DNAH7: variants seen among roughly 807,000 people sequenced by gnomAD.
DNAH7 encodes the protein dynein axonemal heavy chain 7.
Under a neutral mutation model 444.6 loss-of-function variants are expected in DNAH7, and 397 were observed. That is an observed-to-expected ratio of 0.89 (90% CI 0.82 to 0.97). The LOEUF is 0.97. Among genes scored for constraint, DNAH7 ranks in the 50% least tolerant of loss-of-function variants. The pLI is 0.00. For missense variants in DNAH7, 4,902 were observed against 4,800.8 expected, an observed-to-expected ratio of 1.02 and a Z score of -0.62; for synonymous variants, 1,636 against 1,624.4, an observed-to-expected ratio of 1.01 and a Z score of -0.17.
At chr2:195,778,705 CACATATATATACACATATATATAT>C (rs1695221000) in intron 58 of DNAH7, among the ~76,000 whole-genome samples, 3 of 68,336 alleles carry the variant, frequency 4.4e-5, no homozygotes, top group East Asian at 9.6e-4. Context: ...TATATATATA[CACATATATATACACATATATATAT>C]ACACATATAT....
At chr2:195,760,566 C>T (rs1197318118) in intron 61 of DNAH7, among the ~76,000 whole-genome samples, 5 of 152,068 alleles carry the variant, frequency 3.3e-5, no homozygotes, top group Admixed American at 2.0e-4. Flanking sequence ...CTTCAAGCAG[C>T]TCAGCAGAGA....
chr2:196,003,212 G>C (rs1574995319), intron 10 of DNAH7, among the ~76,000 whole-genome samples: 1 of 147,768 alleles, frequency 6.8e-6, no homozygotes, highest in Non-Finnish European at 1.5e-5. Flanking sequence ...CTGAGAGAAA[G>C]ATTCAAAGTG....
At chr2:195,855,494 T>G (rs978306896) in intron 45 of DNAH7, among the ~76,000 whole-genome samples, 1 of 151,632 alleles carries the variant, frequency 6.6e-6, no homozygotes, top group African/African-American at 2.4e-5. Flanking sequence ...GCAGACAGAC[T>G]GACATTTTTT....
intron 33 of DNAH7, 85 bp downstream of exon 33, chr2:195,888,173 A>G (rs888808974): frequency 1.8e-6 from 2 of 1,142,620 alleles, no homozygotes; most frequent in African/African-American, 1.6e-5. Context: ...TTAGCTGATA[A>G]TAAAAACAGA....
chr2:195,922,144 T>C lies in DNAH7; in HGVS notation c.3879A>G (p.Glu1293=), dbSNP rs753974133. 1.2e-6 allele frequency: 2 copies of C among 1,613,566 alleles called. No individual in the cohort carries two copies. The highest frequency in any genetic ancestry group is 2.2e-5 in the South Asian group (2 of 91,080). The change falls in exon 24 of 65, where the codon GAA becomes GAG. Residue 1293 remains glutamate, a synonymous_variant. Transcript: ENST00000312428. ...CCAGCCTAGGGGAATTACCCAGATA[T>C]TCATATCCATATCGCAAACCAGCAT... ...MINAGLRYGY[E]YLGNSPRLVI... is the part of the protein sequence containing the mutation.
chr2:195,930,567 A>T (rs1261291554), intron 21 of DNAH7, among the ~76,000 whole-genome samples: 1 of 152,192 alleles, frequency 6.6e-6, no homozygotes, highest in Non-Finnish European at 1.5e-5. Flanking sequence ...ATGCTTATAC[A>T]CTATTGGTGG....
intron 36 of DNAH7, among the ~76,000 whole-genome samples, chr2:195,880,192 G>A (rs1701292109): frequency 6.6e-6 from 1 of 151,940 alleles, no homozygotes; most frequent in African/African-American, 2.4e-5. Context: ...CCTCTATGAG[G>A]AACAGCTTAA....
At chr2:195,761,906 G>A (rs2105922423) in intron 61 of DNAH7, among the ~76,000 whole-genome samples, 1 of 152,148 alleles carries the variant, frequency 6.6e-6, no homozygotes, top group East Asian at 1.9e-4. Flanking sequence ...ATAAAACTCA[G>A]GGTAATACTA....
chr2:195,824,473 G>A, intron 48 of DNAH7, 28 bp from the exon 49 acceptor site: 1 of 1,554,654 alleles, frequency 6.4e-7, no homozygotes, highest in Non-Finnish European at 8.7e-7. Context: ...AAGATTTCAT[G>A]TTATTTTAAA....
chr2:195,875,687 T>C lies in DNAH7; in HGVS notation c.6274A>G (p.Met2092Val), dbSNP rs948034110. Residue 2092 changes from methionine (M) to valine (V), a missense_variant, in exon 38 of 65, where the codon ATG becomes GTG. Coordinates refer to ENST00000312428, the MANE Select transcript of DNAH7 (RefSeq NM_018897.3). ...TCAAAAAATGTACCTGGAGGTCCCATAGCACACATGATCTGAATGTCCACT... is the reference window on the plus strand; with the variant it reads ...TCAAAAAATGTACCTGGAGGTCCCACAGCACACATGATCTGAATGTCCACT... The part of the protein sequence containing the change: ...KLVDIQIMCA[M>V]GPPGGGRNPV... 1.3e-5 allele frequency: 20 copies of C among 1,588,254 alleles called. No individual in the cohort carries two copies. The highest frequency in any genetic ancestry group is 1.6e-5 in the Non-Finnish European group (19 of 1,168,592).
chr2:195,845,114 A>G lies in DNAH7; in HGVS notation c.8833T>C (p.Ser2945Pro). Residue 2945 changes from serine to proline, a missense_variant, in exon 47 of 65, where the codon TCA becomes CCA. By Grantham distance (74) the Ser-to-Pro change is moderately conservative. Coordinates refer to ENST00000312428, the MANE Select transcript of DNAH7 (RefSeq NM_018897.3). ...TLCKGRDIPC[S>P]DDCSLMGTLG... ...GTACCCATAAGAGAGCAATCATCTG[A>G]GCAGGGGATATCTCTTCCTTTGCAC... The G allele has an allele frequency of 6.2e-7, 1 of 1,613,750 alleles. No homozygotes were observed. Among genetic ancestry groups the G allele is most frequent in the Non-Finnish European group, 8.5e-7 (1 of 1,179,848 alleles).
chr2:195,941,595 A>G (rs1689453517), intron 19 of DNAH7, among the ~76,000 whole-genome samples: 1 of 152,034 alleles, frequency 6.6e-6, no homozygotes, highest in South Asian at 2.1e-4. Context: ...AAAAATAAAA[A>G]AAGAGATAAT....
intron 15 of DNAH7, among the ~76,000 whole-genome samples, chr2:195,980,716 A>G (rs1170141178): frequency 6.6e-6 from 1 of 152,198 alleles, no homozygotes; most frequent in Admixed American, 6.5e-5. Context: ...ATGCAAATTA[A>G]TGTGATACAC....
intron 19 of DNAH7, among the ~76,000 whole-genome samples, chr2:195,952,512 T>A (rs950166192): frequency 6.6e-6 from 1 of 152,204 alleles, no homozygotes. Flanking sequence ...GATAATATCC[T>A]GAAGAGTGTT....
intron 47 of DNAH7, among the ~76,000 whole-genome samples, chr2:195,837,040 C>T (rs1188307486): frequency 1.3e-5 from 2 of 152,122 alleles, no homozygotes; most frequent in Non-Finnish European, 2.9e-5. Flanking sequence ...ATGGTATTTG[C>T]ATGTAATGGT....
intron 10 of DNAH7, among the ~76,000 whole-genome samples, chr2:196,011,539 A>G (rs372613293): frequency 3.6e-4 from 55 of 152,212 alleles, no homozygotes; most frequent in African/African-American, 1.3e-3. Context: ...ACACACTGTG[A>G]GTAAAAATGG....
chr2:195,909,666 C>T (rs1199099629), intron 25 of DNAH7, among the ~76,000 whole-genome samples: 1 of 152,136 alleles, frequency 6.6e-6, no homozygotes, highest in Non-Finnish European at 1.5e-5. Context: ...AAATTACTAA[C>T]TCAAAATAAC....
intron 51 of DNAH7, among the ~76,000 whole-genome samples, chr2:195,812,245 A>T (rs1697005119): frequency 6.6e-6 from 1 of 152,108 alleles, no homozygotes; most frequent in African/African-American, 2.4e-5. Context: ...CCGAATTTTC[A>T]GGAGATTAAT....
chr2:195,894,970 A>T lies in DNAH7; in HGVS notation c.4896+6T>A. 1 of 1,596,860 alleles carries T rather than the reference A, an allele frequency of 6.3e-7. No homozygotes were observed. The highest frequency in any genetic ancestry group is 2.2e-5 in the East Asian group (1 of 44,590). ...AAATAAATTAATGCATTAATAATAT[A>T]CTTGCCTTTTCACATATATCATTTA... is the stretch of plus-strand genomic sequence containing the variant. On this transcript the variant is annotated splice_donor_region_variant and intron_variant, in intron 30 of 64. Coordinates refer to ENST00000312428, the MANE Select transcript of DNAH7 (RefSeq NM_018897.3).
Sources: allele counts gnomAD v4.1 joint callset (sites outside exome capture counted in the v4.1 genomes callset), GRCh38; gene constraint gnomAD v4.1.1; transcripts MANE v1.5; gene names NCBI Gene and HGNC (gene_info 2026-07-23, HGNC 2026-07-21).